The following HIVEP2 variants were observed in gnomAD, a reference collection of about 807,000 sequenced individuals.
HIVEP2 encodes HIVEP zinc finger 2.
Under a neutral mutation model 180.7 loss-of-function variants are expected in HIVEP2, and 14 were observed. The observed-to-expected ratio is 0.08, with a 90% CI of 0.05 to 0.12. HIVEP2 has a LOEUF of 0.12. HIVEP2 is among the 10% of genes least tolerant of loss of function. The probability of loss-of-function intolerance (pLI) is 1.00; values close to 1 mark genes in which losing one functional copy is unlikely to be tolerated. For missense variants in HIVEP2, 2,579 were observed against 3,008.5 expected, an observed-to-expected ratio of 0.86 and a Z score of 3.34; for synonymous variants, 1,184 against 1,136.4, an observed-to-expected ratio of 1.04 and a Z score of -0.84.
At chr6:142,805,550 A>G (rs1046827871) in intron 2 of HIVEP2, among the ~76,000 whole-genome samples, 2 of 144,308 alleles carry the variant, frequency 1.4e-5, no homozygotes, top group Non-Finnish European at 3.1e-5. Context: ...GGGCTTTCCA[A>G]GTAGGGCAGA....
chr6:142,853,657 C>G (rs558713166), intron 1 of HIVEP2, among the ~76,000 whole-genome samples: 2 of 152,146 alleles, frequency 1.3e-5, no homozygotes, highest in Non-Finnish European at 2.9e-5. Context: ...GGATATGAAA[C>G]TGCCTTTTCC....
rs1166165067 is a variant in HIVEP2, at chr6:142,773,572, G to A, written c.1167C>T (p.Ser389=). 2 of 1,614,080 alleles carry A rather than the reference G, an allele frequency of 1.2e-6. No individual in the cohort carries two copies. The highest frequency in any genetic ancestry group is 1.1e-5 in the South Asian group (1 of 91,082). The change falls in exon 5 of 10, where the codon AGC becomes AGT. Residue 389 remains serine (S), a synonymous_variant. Coordinates refer to ENST00000367603, the MANE Select transcript of HIVEP2 (RefSeq NM_006734.4). ...QDSEPSLNLL[S]PHSKGSTDSG... ...AATCAGTGCTTCCTTTACTGTGCGG[G>A]CTCAGAAGGTTGAGCGATGGCTCAG...
In HIVEP2 at chr6:142,753,346, T is replaced by C; in HGVS notation, c.7102A>G (p.Ser2368Gly). Residue 2368 changes from serine to glycine, a missense_variant, in exon 10 of 10, where the codon AGC (serine) becomes GGC (glycine). Around this residue, in one of 11 missense-constraint regions of HIVEP2, gnomAD observed 660 missense variants for 731.7 expected, o/e 0.90. Transcript: ENST00000367603. ...TCAGGTCTACTAAAGTGTCTAATGCTAACATGTGCACTTCCCAGGGGGTTC... is the reference window on the plus strand; with the variant it reads ...TCAGGTCTACTAAAGTGTCTAATGCCAACATGTGCACTTCCCAGGGGGTTC... Reference protein sequence around the residue: ...HQNPLGSAHVSIRHFSRPEPG... With the variant: ...HQNPLGSAHVGIRHFSRPEPG... The C allele has an allele frequency of 6.2e-7, 1 of 1,614,124 alleles. No homozygotes were observed. Among genetic ancestry groups the C allele is most frequent in the Non-Finnish European group, 8.5e-7 (1 of 1,180,020 alleles).
chr6:142,872,966 T>C (rs1776331009), intron 1 of HIVEP2, among the ~76,000 whole-genome samples: 1 of 152,198 alleles, frequency 6.6e-6, no homozygotes, highest in African/African-American at 2.4e-5. Context: ...GTTTTAATTA[T>C]CCAAAGGATC....
intron 1 of HIVEP2, among the ~76,000 whole-genome samples, chr6:142,867,679 C>T (rs1035892752): frequency 1.3e-5 from 2 of 152,040 alleles, no homozygotes; most frequent in Non-Finnish European, 2.9e-5. Context: ...TTTTCCTGAG[C>T]CAATCAAAAA....
chr6:142,792,409 T>G (rs1471689103), intron 2 of HIVEP2, among the ~76,000 whole-genome samples: 1 of 152,162 alleles, frequency 6.6e-6, no homozygotes. Context: ...TTCATGTCCT[T>G]TGCAAGGACA....
intron 2 of HIVEP2, among the ~76,000 whole-genome samples, chr6:142,810,761 CAAA>C (rs60893476): frequency 4.2e-4 from 42 of 100,730 alleles, no homozygotes; most frequent in East Asian, 2.5e-3. Flanking sequence ...GACTCTGTCT[CAAA>C]AAAAAAAAAA....
At chr6:142,820,859 T>G (rs925878188) in intron 2 of HIVEP2, among the ~76,000 whole-genome samples, 1 of 152,170 alleles carries the variant, frequency 6.6e-6, no homozygotes, top group Non-Finnish European at 1.5e-5. Context: ...GGATAACTAG[T>G]TATAGCAAGC....
intron 1 of HIVEP2, among the ~76,000 whole-genome samples, chr6:142,851,686 G>T (rs1276865401): frequency 2.6e-5 from 4 of 152,184 alleles, no homozygotes; most frequent in Non-Finnish European, 1.5e-5. Flanking sequence ...TAGACATAGT[G>T]GCAATGTAAA....
chr6:142,753,189 AACTGCTT>A lies in HIVEP2; in HGVS notation c.7252_7258del (p.Lys2418TrpfsTer30). 6.2e-7 allele frequency: 1 copy of A among 1,614,046 alleles called. No homozygotes were observed. The highest frequency in any genetic ancestry group is 8.5e-7 in the Non-Finnish European group (1 of 1,179,906). On this transcript the variant is annotated frameshift_variant, in exon 10 of 10. Coordinates refer to ENST00000367603, the MANE Select transcript of HIVEP2 (RefSeq NM_006734.4). LOFTEE classifies it high-confidence loss of function. ...TAATTCCTTGCTGCTGTGAAAGTCC[AACTGCTT>A]GTCATCCACACAACTCTTGCTGTAA... is the stretch of plus-strand genomic sequence containing the variant.
chr6:142,797,903 C>T (rs1031979934), intron 2 of HIVEP2, among the ~76,000 whole-genome samples: 1 of 151,974 alleles, frequency 6.6e-6, no homozygotes. Flanking sequence ...ATAAGGGAGA[C>T]CACTGTACAC....
intron 1 of HIVEP2, among the ~76,000 whole-genome samples, chr6:142,858,967 T>A (rs1031047337): frequency 2.6e-5 from 4 of 152,170 alleles, no homozygotes; most frequent in Non-Finnish European, 5.9e-5. Context: ...TACATATGCC[T>A]TTTTTATAAA....
In HIVEP2 at chr6:142,770,872, G is replaced by A. The variant is rs1263285939; in HGVS notation, c.3867C>T (p.His1289=). ...GAAACTTTGGAAGAAGGTTCTTTGG[G>A]TGTAGCCCTGATGCTCCTGAATAAC... is the stretch of plus-strand genomic sequence containing the variant. ...YPCYSGASGL[H]PKNLLPKFPS... The change falls in exon 5 of 10, where the codon CAC becomes CAT. Residue 1289 remains histidine (H), a synonymous_variant. Coordinates refer to ENST00000367603, the MANE Select transcript of HIVEP2 (RefSeq NM_006734.4). The surrounding 1 kb of genome is among the most constrained non-coding windows in gnomAD (Gnocchi z 4.7). 5.6e-6 allele frequency: 9 copies of A among 1,614,206 alleles called. No homozygotes were observed. The South Asian group carries it at 8.8e-5, about 16-fold the overall frequency.
At chr6:142,820,124 G>A (rs932496715) in intron 2 of HIVEP2, among the ~76,000 whole-genome samples, 3 of 152,172 alleles carry the variant, frequency 2.0e-5, no homozygotes, top group South Asian at 4.1e-4. Flanking sequence ...AAAGCAGCCC[G>A]ATTTAATTGC....
chr6:142,926,083 C>T (rs918052871), intron 1 of HIVEP2, among the ~76,000 whole-genome samples: 1 of 152,186 alleles, frequency 6.6e-6, no homozygotes, highest in African/African-American at 2.4e-5. Context: ...TAGTACTAAA[C>T]ATCGATTCTT....
chr6:142,838,040 C>T (rs1243025049), intron 1 of HIVEP2, among the ~76,000 whole-genome samples: 2 of 152,014 alleles, frequency 1.3e-5, no homozygotes, highest in African/African-American at 4.8e-5. Flanking sequence ...CTCCCCCAAA[C>T]CCACTAACCA....
At chr6:142,854,052 T>C (rs1775756272) in intron 1 of HIVEP2, among the ~76,000 whole-genome samples, 1 of 152,198 alleles carries the variant, frequency 6.6e-6, no homozygotes, top group African/African-American at 2.4e-5. Flanking sequence ...TCAGTCTTTG[T>C]TTCTTACTCT....
intron 2 of HIVEP2, among the ~76,000 whole-genome samples, chr6:142,805,642 G>A (rs1776530344): frequency 6.6e-6 from 1 of 152,028 alleles, no homozygotes; most frequent in Admixed American, 6.6e-5. Flanking sequence ...ACAGTTTCAG[G>A]GAAGGTCTGA....
chr6:142,931,303 T>C (rs1190115947), intron 1 of HIVEP2, among the ~76,000 whole-genome samples: 2 of 151,594 alleles, frequency 1.3e-5, no homozygotes, highest in Non-Finnish European at 3.0e-5. Flanking sequence ...CAGTATGCTA[T>C]ATAGATAGCA....
Sources: gnomAD v4.1 joint callset for allele counts (sites outside exome capture counted in the v4.1 genomes callset) on GRCh38, gnomAD v4.1.1 for gene constraint, gnomAD v4.1.1 regional missense constraint, Gnocchi (gnomAD v3.1) non-coding constraint, MANE v1.5 for transcripts, NCBI Gene and HGNC (gene_info 2026-07-23, HGNC 2026-07-21) for gene names.